The following PRKX variants were observed in gnomAD, a reference collection of about 807,000 sequenced individuals.
PRKX encodes the protein cAMP-dependent protein kinase catalytic subunit PRKX.
A neutral mutation model predicts 22.0 loss-of-function variants in PRKX; 12 were observed. The observed-to-expected ratio is 0.54, with a 90% CI of 0.35 to 0.88. The LOEUF is 0.88. Among genes scored for constraint, PRKX ranks in the 40% least tolerant of loss-of-function variants. PRKX has a pLI of 0.01. For missense variants in PRKX, 217 were observed against 308.0 expected (o/e 0.70, Z 2.21); for synonymous variants, 134 against 137.7 (o/e 0.97, Z 0.19).
intron 4 of PRKX, 143 bp from the exon 5 acceptor site, chrX:3,626,657 G>C: frequency 1.9e-6 from 1 of 518,052 alleles, no homozygotes; most frequent in Non-Finnish European, 3.3e-6. Flanking sequence ...AAGTTGTCAC[G>C]ATCTGAAAGC....
At chrX:3,698,967 CT>C (rs111433967) in intron 1 of PRKX, among the ~76,000 whole-genome samples, 6,029 of 90,936 alleles carry the variant, frequency 0.066, 548 homozygotes, top group African/African-American at 0.22. Context: ...TTCCAAAATT[CT>C]TTTTTTTTTT....
chrX:3,688,823 A>G (rs1027675830), intron 1 of PRKX, among the ~76,000 whole-genome samples: 1 of 107,303 alleles, frequency 9.3e-6, no homozygotes, highest in Non-Finnish European at 1.9e-5. Context: ...GAATTATGAT[A>G]GTACCACTGC....
intron 1 of PRKX, among the ~76,000 whole-genome samples, chrX:3,689,945 C>G (rs945202400): frequency 3.0e-4 from 33 of 111,171 alleles, no homozygotes; most frequent in African/African-American, 1.0e-3. Context: ...CCACTGCACT[C>G]CAGCCTGCGT....
chrX:3,712,916 T>G (rs1442492382), intron 1 of PRKX, among the ~76,000 whole-genome samples, 172 bp downstream of exon 1: 7 of 111,921 alleles, frequency 6.3e-5, no homozygotes, highest in Admixed American at 3.7e-4. Context: ...GGGAGTGCGC[T>G]CCACCCGGGA....
chrX:3,705,257 G>A (rs1928658858), intron 1 of PRKX, among the ~76,000 whole-genome samples: 1 of 111,509 alleles, frequency 9.0e-6, no homozygotes. Context: ...TCCTCATATA[G>A]TGGAAGGGGT....
At chrX:3,659,263 A>C in intron 2 of PRKX, among the ~76,000 whole-genome samples, 1 of 110,789 alleles carries the variant, frequency 9.0e-6, no homozygotes, top group East Asian at 2.8e-4. Flanking sequence ...CTAAAAGGAA[A>C]AAAAAAAAAA....
chrX:3,618,055 A>C (rs956545254), intron 6 of PRKX, among the ~76,000 whole-genome samples: 2 of 75,360 alleles, frequency 2.7e-5, no homozygotes, highest in Admixed American at 3.1e-4. Flanking sequence ...TGTCTCAAAA[A>C]AAAAAAAAAA....
At chrX:3,712,984 G>C in intron 1 of PRKX, 104 bp downstream of exon 1, 5 of 959,889 alleles carry the variant, frequency 5.2e-6, no homozygotes, top group Non-Finnish European at 6.8e-6. Context: ...TAGCGGGTCA[G>C]GGCCCTCCCC....
intron 2 of PRKX, among the ~76,000 whole-genome samples, chrX:3,657,274 C>T (rs1488757535): frequency 9.0e-6 from 1 of 110,938 alleles, no homozygotes; most frequent in African/African-American, 3.3e-5. Context: ...TATTTGGAGA[C>T]AGGTCATGTA....
At chrX:3,658,148 G>A (rs756976839) in intron 2 of PRKX, among the ~76,000 whole-genome samples, 62 of 110,380 alleles carry the variant, frequency 5.6e-4, no homozygotes, top group African/African-American at 2.0e-3. Flanking sequence ...CCACCACCAC[G>A]CCCAGCTAAT....
At chrX:3,701,320 A>G (rs1388168399) in intron 1 of PRKX, among the ~76,000 whole-genome samples, 2 of 111,698 alleles carry the variant, frequency 1.8e-5, no homozygotes, top group African/African-American at 6.5e-5. Flanking sequence ...TGTCCAGGCT[A>G]GTCTAGAACT....
chrX:3,608,575 G>GCA lies in PRKX; in HGVS notation c.*392_*393dup, dbSNP rs1926230130. ...TAATGACTTCTATATATACACACAGGCATACACACACACACACACACACAC... is the reference window on the plus strand; with the variant it reads ...TAATGACTTCTATATATACACACAGGCACATACACACACACACACACACACAC... On this transcript the variant is annotated 3_prime_UTR_variant, in exon 9 of 9. Transcript: ENST00000262848. 2 of 46,891 alleles carry GCA rather than the reference G, an allele frequency of 4.3e-5. No homozygotes were observed. The highest frequency in any genetic ancestry group is 7.8e-5 in the Non-Finnish European group (2 of 25,673). The allele number at this position is 46,891 out of a possible 1,213,427, so 3.9% of individuals were successfully genotyped here. A position where few individuals can be genotyped will look rare whatever the true frequency, so the allele number is the denominator to read the frequency against.
chrX:3,647,245 GATA>G (rs1043786659), intron 3 of PRKX, among the ~76,000 whole-genome samples: 1 of 105,441 alleles, frequency 9.5e-6, no homozygotes, highest in Non-Finnish European at 1.9e-5. Flanking sequence ...TAAAACTATG[GATA>G]ATAATGTATA....
chrX:3,689,184 T>A (rs1330434796), intron 1 of PRKX, among the ~76,000 whole-genome samples: 2 of 112,656 alleles, frequency 1.8e-5, no homozygotes, highest in African/African-American at 6.4e-5. Context: ...ACATTTATCA[T>A]CCTCAAACTC....
chrX:3,696,778 G>C (rs991543297), intron 1 of PRKX, among the ~76,000 whole-genome samples: 1 of 111,789 alleles, frequency 8.9e-6, no homozygotes, highest in African/African-American at 3.3e-5. Flanking sequence ...CCAGCTCTTC[G>C]GGAGGCCGAG....
intron 1 of PRKX, among the ~76,000 whole-genome samples, chrX:3,707,025 A>T (rs1928698817): frequency 9.0e-6 from 1 of 111,453 alleles, no homozygotes; most frequent in South Asian, 3.8e-4. Flanking sequence ...TACTTGGGAG[A>T]CTGAGGTGGG....
chrX:3,684,123 G>A (rs777208741), intron 1 of PRKX, among the ~76,000 whole-genome samples: 17 of 110,498 alleles, frequency 1.5e-4, no homozygotes, highest in South Asian at 3.9e-4. Flanking sequence ...GTAGTGGCGC[G>A]CTCCTGTAAT....
At chrX:3,629,737 C>G (rs1926731965) in intron 4 of PRKX, among the ~76,000 whole-genome samples, 1 of 111,842 alleles carries the variant, frequency 8.9e-6, no homozygotes, top group East Asian at 2.8e-4. Flanking sequence ...TCACTGTAGC[C>G]TTGACCTCCC....
At chrX:3,676,425 A>T (rs1392114438) in intron 1 of PRKX, among the ~76,000 whole-genome samples, 1 of 111,615 alleles carries the variant, frequency 9.0e-6, no homozygotes, top group Non-Finnish European at 1.9e-5. Context: ...GATCTTCCAG[A>T]CACCTGCACT....
Sources: allele counts gnomAD v4.1 joint callset (sites outside exome capture counted in the v4.1 genomes callset), GRCh38; gene constraint gnomAD v4.1.1; transcripts MANE v1.5; gene names NCBI Gene and HGNC (gene_info 2026-07-23, HGNC 2026-07-21).